The following PLCH1 variants were observed in gnomAD, a reference collection of about 807,000 sequenced individuals.
The protein encoded by PLCH1 is phospholipase C eta 1.
Under a neutral mutation model 126.7 loss-of-function variants are expected in PLCH1, and 60 were observed. The observed-to-expected ratio is 0.47, with a 90% CI of 0.38 to 0.59. PLCH1 has a LOEUF of 0.59. PLCH1 is among the 20% of genes least tolerant of loss of function. PLCH1 has a pLI of 0.00. For synonymous variants in PLCH1, 719 were observed against 734.9 expected, an observed-to-expected ratio of 0.98 and a Z score of 0.35; for missense variants, 1,723 against 2,040.0, an observed-to-expected ratio of 0.84 and a Z score of 2.99.
At chr3:155,569,223 C>T (rs1482216204) in intron 6 of PLCH1, among the ~76,000 whole-genome samples, 1 of 152,016 alleles carries the variant, frequency 6.6e-6, no homozygotes, top group Non-Finnish European at 1.5e-5. Flanking sequence ...TCCATTTAGT[C>T]CCACAATCTA....
intron 12 of PLCH1, among the ~76,000 whole-genome samples, chr3:155,511,738 A>C (rs1442123677): frequency 1.4e-5 from 2 of 145,318 alleles, no homozygotes; most frequent in Middle Eastern, 3.5e-3. Context: ...TGCTGGGAGA[A>C]CCACTGCTCT....
At chr3:155,713,957 A>C (rs1218776791) in intron 1 of PLCH1, among the ~76,000 whole-genome samples, 2 of 152,220 alleles carry the variant, frequency 1.3e-5, no homozygotes, top group Non-Finnish European at 2.9e-5. Context: ...TCAGTTGTGT[A>C]GCATTTAACT....
In PLCH1 at chr3:155,498,342, T is replaced by C. The variant is rs1057185535; in HGVS notation, c.1797-925A>G. Among the ~76,000 whole-genome samples, 4 of 152,270 alleles carry C rather than the reference T, an allele frequency of 2.6e-5. No individual in the cohort carries two copies. In the South Asian group the frequency reaches 6.2e-4, roughly 24 times the overall value. On this transcript the variant is annotated intron_variant, in intron 14 of 22. Coordinates refer to ENST00000460012, the MANE Select transcript of PLCH1 (RefSeq NM_014996.4). ...TTAATAAGGAAAGAGAAAAACAACA[T>C]ATATATAGGGTTCACTACCATCTGT...
intron 21 of PLCH1, among the ~76,000 whole-genome samples, chr3:155,460,536 C>G (rs2107972909): frequency 6.6e-6 from 1 of 152,232 alleles, no homozygotes; most frequent in East Asian, 1.9e-4. Flanking sequence ...CCCTTAGTTT[C>G]CTGACCTGAG....
At chr3:155,596,193 T>G (rs1250566989) in intron 3 of PLCH1, 39 bp downstream of exon 3, 1 of 1,546,574 alleles carries the variant, frequency 6.5e-7, no homozygotes, top group Admixed American at 1.7e-5. Context: ...CGTGTGTTAC[T>G]ATGTCCAGCC....
At chr3:155,704,558 C>T (rs147203294) in intron 1 of PLCH1, among the ~76,000 whole-genome samples, 1 of 152,144 alleles carries the variant, frequency 6.6e-6, no homozygotes, top group Admixed American at 6.5e-5. Flanking sequence ...GGTTTCAGGA[C>T]CAGTATATGT....
chr3:155,552,063 TA>T (rs1366996010), intron 9 of PLCH1, among the ~76,000 whole-genome samples: 1 of 152,200 alleles, frequency 6.6e-6, no homozygotes, highest in African/African-American at 2.4e-5. Flanking sequence ...GGAGGCATCA[TA>T]AACTAAATCT....
At chr3:155,566,286 TATAC>T (rs1728476257) in intron 7 of PLCH1, among the ~76,000 whole-genome samples, 1 of 58,440 alleles carries the variant, frequency 1.7e-5, no homozygotes, top group African/African-American at 4.8e-5. Flanking sequence ...TATACATATA[TATAC>T]GTATATATAC....
At position 155,679,132 on chromosome 3, in the gene PLCH1, C is replaced by T. The variant is rs148326695; in HGVS notation, c.79+25014G>A. Reference sequence around the variant, plus strand: ...TTGGGTCAGTTATGGGTAGGGTTGTCATATAAAACAAGACACCCAGTTAAA... The same window carrying T: ...TTGGGTCAGTTATGGGTAGGGTTGTTATATAAAACAAGACACCCAGTTAAA... On this transcript the variant is annotated intron_variant, in intron 2 of 22. Transcript: ENST00000460012. Among the ~76,000 whole-genome samples the T allele has an allele frequency of 7.0e-3, 1,067 of 152,302 alleles. 6 individuals are homozygous for T. Among genetic ancestry groups the T allele is most frequent in the South Asian group, 0.021 (103 of 4,828 alleles).
At chr3:155,717,925 G>A (rs1747651603) in intron 1 of PLCH1, among the ~76,000 whole-genome samples, 1 of 152,166 alleles carries the variant, frequency 6.6e-6, no homozygotes, top group South Asian at 2.1e-4. Flanking sequence ...GCCAGGCTGT[G>A]AATTTTCCAC....
At chr3:155,722,055 T>C (rs943048799) in intron 1 of PLCH1, among the ~76,000 whole-genome samples, 3 of 152,038 alleles carry the variant, frequency 2.0e-5, no homozygotes, top group African/African-American at 7.2e-5. Flanking sequence ...TCAAAAAAAA[T>C]AAAGAAGTGG....
chr3:155,719,565 A>G (rs1044532417), intron 1 of PLCH1, among the ~76,000 whole-genome samples: 1 of 152,150 alleles, frequency 6.6e-6, no homozygotes, highest in African/African-American at 2.4e-5. Context: ...AATATATGAT[A>G]ATAAAAACTG....
At position 155,744,987 on chromosome 3, in the gene PLCH1, A is replaced by G. The variant is rs920445459; in HGVS notation, c.-188T>C. On this transcript the variant is annotated 5_prime_UTR_variant, in exon 1 of 23. Coordinates refer to ENST00000460012, the MANE Select transcript of PLCH1 (RefSeq NM_014996.4). ...CAAGGGCCAGAAAAGCCCCCCTAGA[A>G]GAGCACTTCTCCCCACTAGCCAGCA... 1.3e-5 allele frequency: 2 copies of G among 152,712 alleles called. No individual in the cohort carries two copies. Among genetic ancestry groups the G allele is most frequent in the Non-Finnish European group, 2.9e-5 (2 of 68,460 alleles). The allele number at this position is 152,712 out of a possible 1,614,324, so 9.5% of individuals were successfully genotyped here.
At chr3:155,697,443 G>A (rs1745908943) in intron 2 of PLCH1, among the ~76,000 whole-genome samples, 1 of 152,150 alleles carries the variant, frequency 6.6e-6, no homozygotes, top group Non-Finnish European at 1.5e-5. Context: ...GCACTCTGAG[G>A]AGTGAAACTG....
At chr3:155,570,341 A>T (rs114443286) in intron 6 of PLCH1, among the ~76,000 whole-genome samples, 2,729 of 152,214 alleles carry the variant, frequency 0.018, 29 homozygotes, top group South Asian at 0.027. Context: ...TTCCTATTTG[A>T]CAGAGCTGAT....
intron 2 of PLCH1, chr3:155,676,305 C>T (rs1466170027): frequency 2.1e-5 from 24 of 1,136,016 alleles, no homozygotes; most frequent in Non-Finnish European, 2.4e-5. Flanking sequence ...GATAAGCACG[C>T]TGGAAGCATC....
intron 1 of PLCH1, among the ~76,000 whole-genome samples, chr3:155,744,630 G>A (rs2109230539): frequency 6.6e-6 from 1 of 152,292 alleles, no homozygotes; most frequent in African/African-American, 2.4e-5. Flanking sequence ...ATGGGACCCT[G>A]AAGAGCGGCC....
chr3:155,607,486 G>C (rs1265781956), intron 2 of PLCH1, among the ~76,000 whole-genome samples: 3 of 151,936 alleles, frequency 2.0e-5, no homozygotes, highest in Non-Finnish European at 4.4e-5. Context: ...TGTCACCCAG[G>C]CTGGAGTGCA....
chr3:155,605,734 T>G (rs1174959197), intron 2 of PLCH1, among the ~76,000 whole-genome samples: 1 of 152,240 alleles, frequency 6.6e-6, no homozygotes, highest in African/African-American at 2.4e-5. Context: ...GAGAATGAGT[T>G]CTTTCTGGTC....
Sources: allele counts gnomAD v4.1 joint callset (sites outside exome capture counted in the v4.1 genomes callset), GRCh38; gene constraint gnomAD v4.1.1; transcripts MANE v1.5; gene names NCBI Gene and HGNC (gene_info 2026-07-23, HGNC 2026-07-21).